CAPN8: variants seen among roughly 807,000 people sequenced by gnomAD.
The protein encoded by CAPN8 is calpain-8.
CAPN8 carries 87 observed loss-of-function variants against 80.9 expected under a neutral mutation model. That is an observed-to-expected ratio of 1.07 (90% confidence interval 0.90 to 1.28). CAPN8 has a LOEUF of 1.28. Among genes scored for constraint, CAPN8 ranks in the 50% most tolerant of loss-of-function variants. CAPN8 has a pLI of 0.00. For synonymous variants in CAPN8, 299 were observed against 273.8 expected (o/e 1.09, Z -0.91); for missense variants, 757 against 702.0 (o/e 1.08, Z -0.89).
At chr1:223,616,680 C>T (rs1329902356) in intron 9 of CAPN8, among the ~76,000 whole-genome samples, 3 of 152,222 alleles carry the variant, frequency 2.0e-5, no homozygotes, top group Non-Finnish European at 4.4e-5. Context: ...GACACCTATT[C>T]TCCCTCTGAG....
chr1:223,625,806 T>A lies in CAPN8; in HGVS notation c.812A>T (p.Glu271Val). ...TCCCCACCTTCCACACAATTTTACC[T>A]CTTCGACTCCAGTGACAGAGTACGC... Reference protein sequence around the residue: ...SHAYSVTGVEEVNFQGHPEKL... With the variant: ...SHAYSVTGVEVVNFQGHPEKL... Residue 271 changes from glutamate to valine, a missense_variant and splice_region_variant, in exon 6 of 21, where the codon GAG becomes GTG. Coordinates refer to ENST00000366872, the MANE Select transcript of CAPN8 (RefSeq NM_001143962.2). The A allele has an allele frequency of 1.3e-6, 2 of 1,549,804 alleles. No individual in the cohort carries two copies. Among genetic ancestry groups the A allele is most frequent in the Non-Finnish European group, 1.7e-6 (2 of 1,145,314 alleles).
chr1:223,661,165 TAAAA>T (rs60908710), intron 1 of CAPN8, among the ~76,000 whole-genome samples: 1 of 136,094 alleles, frequency 7.3e-6, no homozygotes, highest in Non-Finnish European at 1.6e-5. Context: ...GACCCTGTCT[TAAAA>T]AAAAAAAAAA....
chr1:223,622,707 G>T, intron 7 of CAPN8, 108 bp downstream of exon 7: 1 of 841,008 alleles, frequency 1.2e-6, no homozygotes. Flanking sequence ...TCTGCAGACA[G>T]GACGTGCTGC....
chr1:223,646,265 T>C (rs184572720), intron 2 of CAPN8, among the ~76,000 whole-genome samples: 2 of 152,366 alleles, frequency 1.3e-5, no homozygotes, highest in East Asian at 3.9e-4. Flanking sequence ...CTGTCCTTTC[T>C]CTCGTGAGTA....
intron 16 of CAPN8, 126 bp from the exon 17 acceptor site, chr1:223,545,425 G>A: frequency 1.4e-6 from 2 of 1,415,544 alleles, no homozygotes; most frequent in Non-Finnish European, 1.9e-6. Context: ...GGCAAGCAGA[G>A]CAGTGGGGGT....
chr1:223,627,226 G>A, intron 4 of CAPN8, 69 bp from the exon 5 acceptor site: 3 of 1,500,930 alleles, frequency 2.0e-6, no homozygotes, highest in Non-Finnish European at 2.7e-6. Flanking sequence ...TTGGGGACCG[G>A]GACAGTGCTA....
intron 1 of CAPN8, among the ~76,000 whole-genome samples, chr1:223,660,328 A>G (rs1332891700): frequency 2.0e-5 from 3 of 152,208 alleles, no homozygotes; most frequent in African/African-American, 7.2e-5. Context: ...TGGGCTGGGC[A>G]TTAACCAAGC....
intron 4 of CAPN8, among the ~76,000 whole-genome samples, 173 bp downstream of exon 4, chr1:223,627,836 T>C (rs1657636650): frequency 6.6e-6 from 1 of 152,150 alleles, no homozygotes; most frequent in Admixed American, 6.5e-5. Flanking sequence ...CGCCCAGATT[T>C]CTGTTTCTCT....
intron 20 of CAPN8, among the ~76,000 whole-genome samples, chr1:223,542,309 A>G (rs200962212): frequency 2.0e-5 from 3 of 147,944 alleles, no homozygotes; most frequent in Non-Finnish European, 2.9e-5. Flanking sequence ...TTGTGTGTGT[A>G]TATATGTATA....
At chr1:223,643,439 C>T (rs1030777644) in intron 2 of CAPN8, among the ~76,000 whole-genome samples, 2 of 152,184 alleles carry the variant, frequency 1.3e-5, no homozygotes. Flanking sequence ...ATGAGGTGAA[C>T]TGAACTCAAA....
At chr1:223,648,885 G>C (rs932592248) in intron 2 of CAPN8, among the ~76,000 whole-genome samples, 3 of 152,074 alleles carry the variant, frequency 2.0e-5, no homozygotes, top group Non-Finnish European at 4.4e-5. Context: ...AAATAGATGG[G>C]GAAGGCAGGA....
At chr1:223,554,518 G>A (rs1027530410) in intron 13 of CAPN8, among the ~76,000 whole-genome samples, 164 of 152,192 alleles carry the variant, frequency 1.1e-3, no homozygotes, top group African/African-American at 3.8e-3. Context: ...TACTTCAGAG[G>A]CTGAGGCCAC....
At chr1:223,656,001 G>A (rs1191369373) in intron 1 of CAPN8, among the ~76,000 whole-genome samples, 1 of 152,150 alleles carries the variant, frequency 6.6e-6, no homozygotes, top group African/African-American at 2.4e-5. Flanking sequence ...GCAGGAGGGT[G>A]GGCTGAGGGC....
At chr1:223,558,611 T>C (rs1182761748) in intron 12 of CAPN8, among the ~76,000 whole-genome samples, 3 of 151,982 alleles carry the variant, frequency 2.0e-5, no homozygotes, top group African/African-American at 7.3e-5. Flanking sequence ...GTATGTGGTA[T>C]GTGTGAATGG....
At chr1:223,647,841 G>A (rs1409392660) in intron 2 of CAPN8, among the ~76,000 whole-genome samples, 3 of 152,214 alleles carry the variant, frequency 2.0e-5, no homozygotes, top group African/African-American at 7.2e-5. Flanking sequence ...AAGATTTGGA[G>A]AGGGGCCTGA....
intron 20 of CAPN8, 151 bp downstream of exon 20, chr1:223,542,957 T>C: frequency 1.4e-6 from 1 of 723,406 alleles, no homozygotes; most frequent in Non-Finnish European, 2.3e-6. Flanking sequence ...AACAGTTGCC[T>C]TCCTCCCTGC....
intron 1 of CAPN8, among the ~76,000 whole-genome samples, chr1:223,663,631 A>G (rs976400902): frequency 6.6e-6 from 1 of 152,252 alleles, no homozygotes; most frequent in Non-Finnish European, 1.5e-5. Flanking sequence ...CTGTCTGTTG[A>G]AATGAAATGT....
At chr1:223,549,287 A>C (rs1656717740) in intron 16 of CAPN8, 31 bp downstream of exon 16, 5 of 1,543,432 alleles carry the variant, frequency 3.2e-6, no homozygotes, top group Non-Finnish European at 8.7e-7. Flanking sequence ...GAAAGTAAAA[A>C]AAAAAAAATA....
intron 2 of CAPN8, among the ~76,000 whole-genome samples, chr1:223,644,971 C>T (rs10916633): frequency 0.18 from 27,007 of 152,078 alleles, 2,999 homozygotes; most frequent in East Asian, 0.29. Context: ...TTGATTCACA[C>T]GGTCACAAGG....
Sources: allele counts gnomAD v4.1 joint callset (sites outside exome capture counted in the v4.1 genomes callset), GRCh38; gene constraint gnomAD v4.1.1; transcripts MANE v1.5; gene names NCBI Gene and HGNC (gene_info 2026-07-23, HGNC 2026-07-21).